Variants in NREP observed in about 807,000 individuals in gnomAD.
The protein encoded by NREP is neuronal regeneration related protein, also known as neuronal regeneration-related protein.
Under a neutral mutation model 8.6 loss-of-function variants are expected in NREP, and 5 were observed. The observed-to-expected ratio is 0.58, with a 90% confidence interval of 0.30 to 1.22. NREP has a LOEUF of 1.22. NREP is among the 50% of genes most tolerant of loss of function. NREP has a pLI of 0.07. For missense variants in NREP, 86 were observed against 82.5 expected (o/e 1.04, Z -0.17); for synonymous variants, 27 against 28.0 (o/e 0.96, Z 0.11).
intron 2 of NREP, among the ~76,000 whole-genome samples, chr5:111,897,363 C>G (rs558069563): frequency 6.6e-6 from 1 of 152,202 alleles, no homozygotes; most frequent in Non-Finnish European, 1.5e-5. Context: ...GTGCATTCTA[C>G]AAGGCAACTC....
chr5:111,749,903 A>C (rs1205020878), intron 2 of NREP, among the ~76,000 whole-genome samples: 1 of 152,104 alleles, frequency 6.6e-6, no homozygotes, highest in African/African-American at 2.4e-5. Context: ...GCCTAAGGGG[A>C]GTGAGAGGGA....
chr5:111,972,314 A>G (rs1226831283), intron 2 of NREP, among the ~76,000 whole-genome samples: 1 of 152,216 alleles, frequency 6.6e-6, no homozygotes, highest in African/African-American at 2.4e-5. Context: ...AGTCATTATG[A>G]AAAACAGTAC....
At chr5:111,746,244 T>C (rs1469819803) in intron 2 of NREP, among the ~76,000 whole-genome samples, 2 of 152,102 alleles carry the variant, frequency 1.3e-5, no homozygotes, top group Non-Finnish European at 1.5e-5. Context: ...TATCATTTTT[T>C]TTTAAAAAAA....
intron 2 of NREP, among the ~76,000 whole-genome samples, chr5:111,898,801 T>G (rs1754574099): frequency 6.6e-6 from 1 of 152,162 alleles, no homozygotes; most frequent in South Asian, 2.1e-4. Flanking sequence ...ATCATCAAAC[T>G]GTCAAAAGTC....
chr5:111,887,789 T>C (rs1254075722), intron 2 of NREP, among the ~76,000 whole-genome samples: 1 of 152,222 alleles, frequency 6.6e-6, no homozygotes, highest in Non-Finnish European at 1.5e-5. Flanking sequence ...GCAGACTTGA[T>C]AGCAACACAT....
At chr5:111,772,375 T>C (rs1394905293) in intron 2 of NREP, among the ~76,000 whole-genome samples, 1 of 152,206 alleles carries the variant, frequency 6.6e-6, no homozygotes, top group Non-Finnish European at 1.5e-5. Flanking sequence ...TTTTTGTTCA[T>C]CCTTGTTTCA....
intron 2 of NREP, among the ~76,000 whole-genome samples, chr5:111,886,223 G>T (rs1298658033): frequency 8.5e-5 from 13 of 152,218 alleles, no homozygotes; most frequent in Non-Finnish European, 8.8e-5. Flanking sequence ...ATGAAAAAAT[G>T]CTCACCATCA....
chr5:111,973,772 C>G (rs372148482), intron 2 of NREP, among the ~76,000 whole-genome samples: 19 of 152,102 alleles, frequency 1.2e-4, no homozygotes, highest in East Asian at 7.7e-4. Flanking sequence ...ATTCACAAGC[C>G]TAAATCAAAG....
At chr5:111,975,512 CAGGGTAT>C in intron 1 of NREP, 2 of 649,498 alleles carry the variant, frequency 3.1e-6, no homozygotes, top group South Asian at 3.8e-5. Context: ...ACTGACTGGC[CAGGGTAT>C]AGGATCAGTT....
intron 2 of NREP, among the ~76,000 whole-genome samples, chr5:111,838,528 A>G (rs905516510): frequency 1.3e-5 from 2 of 152,262 alleles, no homozygotes; most frequent in Admixed American, 1.3e-4. Flanking sequence ...GGGCCTTATT[A>G]AATGAATAGA....
intron 2 of NREP, among the ~76,000 whole-genome samples, chr5:111,958,420 T>A (rs1311357913): frequency 6.6e-6 from 1 of 151,840 alleles, no homozygotes; most frequent in Non-Finnish European, 1.5e-5. Context: ...ATTTACCACA[T>A]AGAGAAATCC....
At chr5:111,778,683 T>A (rs1751420017) in intron 2 of NREP, among the ~76,000 whole-genome samples, 1 of 152,158 alleles carries the variant, frequency 6.6e-6, no homozygotes, top group Non-Finnish European at 1.5e-5. Flanking sequence ...AGTTTGTTTG[T>A]GTTTGTTTGT....
At chr5:111,866,735 G>C (rs1245095318) in intron 2 of NREP, among the ~76,000 whole-genome samples, 2 of 151,658 alleles carry the variant, frequency 1.3e-5, no homozygotes. Flanking sequence ...GCAAAGACTT[G>C]GAACCAACCC....
chr5:111,929,250 T>C (rs747738244), intron 2 of NREP, among the ~76,000 whole-genome samples: 3 of 152,324 alleles, frequency 2.0e-5, no homozygotes, highest in South Asian at 4.1e-4. Context: ...AATTGTGATA[T>C]GATATGAATA....
chr5:111,823,302 G>A (rs1208226044), intron 2 of NREP, among the ~76,000 whole-genome samples: 1 of 152,084 alleles, frequency 6.6e-6, no homozygotes, highest in Admixed American at 6.6e-5. Flanking sequence ...CTCCAACAAT[G>A]GGGACCAAAT....
intron 1 of NREP, among the ~76,000 whole-genome samples, chr5:111,975,920 T>C (rs1404302140): frequency 3.9e-5 from 6 of 152,200 alleles, no homozygotes; most frequent in African/African-American, 4.8e-5. Flanking sequence ...AGTGTCTCAC[T>C]ATATCCACAT....
intron 2 of NREP, among the ~76,000 whole-genome samples, chr5:111,840,830 A>G (rs1306741971): frequency 1.3e-5 from 2 of 152,158 alleles, no homozygotes; most frequent in African/African-American, 4.8e-5. Flanking sequence ...CAAACAAAAT[A>G]GGTCTAGAGG....
chr5:111,776,410 G>A (rs1267382847), intron 2 of NREP, among the ~76,000 whole-genome samples: 1 of 152,102 alleles, frequency 6.6e-6, no homozygotes, highest in Non-Finnish European at 1.5e-5. Flanking sequence ...AAACTGTTTA[G>A]CAATGTTCAC....
chr5:111,764,948 GATTTT>G (rs1751046078), intron 2 of NREP, among the ~76,000 whole-genome samples: 12 of 152,144 alleles, frequency 7.9e-5, no homozygotes, highest in Admixed American at 7.9e-4. Context: ...ATGAGAACCT[GATTTT>G]ATTATTCCTA....
Sources: allele counts gnomAD v4.1 joint callset (sites outside exome capture counted in the v4.1 genomes callset), GRCh38; gene constraint gnomAD v4.1.1; transcripts MANE v1.5; gene names NCBI Gene and HGNC (gene_info 2026-07-23, HGNC 2026-07-21).